The following PTPN12 variants were observed in gnomAD, a reference collection of about 807,000 sequenced individuals.
The protein encoded by PTPN12 is tyrosine-protein phosphatase non-receptor type 12.
Under a neutral mutation model 97.6 loss-of-function variants are expected in PTPN12, and 29 were observed. The observed-to-expected ratio is 0.30, with a 90% CI of 0.22 to 0.41. The LOEUF (loss-of-function observed/expected upper bound fraction) is 0.41, where lower values mean the gene tolerates loss of function less well. Ranked by LOEUF, PTPN12 falls within the 10% of genes least tolerant of loss-of-function variation. PTPN12 has a pLI of 1.00. For synonymous variants in PTPN12, 327 were observed against 300.4 expected (o/e 1.09, Z -0.91); for missense variants, 819 against 926.0 (o/e 0.88, Z 1.50).
chr7:77,637,712 C>G (rs1463146833), intron 16 of PTPN12, among the ~76,000 whole-genome samples: 1 of 151,432 alleles, frequency 6.6e-6, no homozygotes, highest in East Asian at 2.0e-4. Context: ...AAAAAAATAG[C>G]TAGGCGTCAT....
In PTPN12 at chr7:77,638,718, A is replaced by G. The variant is rs754928678; in HGVS notation, c.2268A>G (p.Glu756=). ...AACAAATATCAGAAAATCCAACAGA[A>G]GCCACAGATATTGGTAATTTGTTTA... ...KREQISENPT[E]ATDIGFGNRC... is the part of the protein sequence containing the mutation. Residue 756 remains glutamate, a synonymous_variant, in exon 17 of 18, where the codon GAA becomes GAG. Transcript: ENST00000248594. 3 of 1,602,826 alleles carry G rather than the reference A, an allele frequency of 1.9e-6. No individual in the cohort carries two copies. Among genetic ancestry groups the G allele is most frequent in the African/African-American group, 1.3e-5 (1 of 74,436 alleles).
intron 1 of PTPN12, among the ~76,000 whole-genome samples, chr7:77,567,222 C>A (rs912483722): frequency 1.3e-5 from 2 of 149,750 alleles, no homozygotes; most frequent in East Asian, 1.9e-4. Flanking sequence ...CTGCTCTAGG[C>A]CAAATCAGAT....
At chr7:77,622,382 G>GA (rs930431209) in intron 12 of PTPN12, among the ~76,000 whole-genome samples, 1 of 152,062 alleles carries the variant, frequency 6.6e-6, no homozygotes, top group Non-Finnish European at 1.5e-5. Context: ...AAAGATGGGG[G>GA]AAAAAAGAAA....
intron 1 of PTPN12, among the ~76,000 whole-genome samples, chr7:77,569,815 A>G (rs1584122904): frequency 6.6e-6 from 1 of 152,296 alleles, no homozygotes; most frequent in South Asian, 2.1e-4. Context: ...TTGAATATAA[A>G]TCATTTCATG....
chr7:77,638,102 C>T (rs1434151144), intron 16 of PTPN12, among the ~76,000 whole-genome samples: 5 of 150,982 alleles, frequency 3.3e-5, no homozygotes, highest in East Asian at 4.0e-4. Context: ...GGACTACAGG[C>T]GCCCGCCACC....
At chr7:77,568,884 A>G (rs1308452120) in intron 1 of PTPN12, among the ~76,000 whole-genome samples, 1 of 152,234 alleles carries the variant, frequency 6.6e-6, no homozygotes, top group Non-Finnish European at 1.5e-5. Flanking sequence ...ATAAGTATCT[A>G]AAAATACATC....
chr7:77,559,487 GATATA>G (rs1391002991), intron 1 of PTPN12, among the ~76,000 whole-genome samples: 1 of 152,124 alleles, frequency 6.6e-6, no homozygotes, highest in Non-Finnish European at 1.5e-5. Context: ...CATTGTAGGT[GATATA>G]ATAAAGAAGT....
At chr7:77,547,284 C>G (rs777364278) in intron 1 of PTPN12, among the ~76,000 whole-genome samples, 6 of 152,132 alleles carry the variant, frequency 3.9e-5, no homozygotes, top group Non-Finnish European at 5.9e-5. Context: ...GTACTCTGTT[C>G]AGGAAGTTTA....
At chr7:77,549,578 G>C (rs890417738) in intron 1 of PTPN12, among the ~76,000 whole-genome samples, 17 of 148,438 alleles carry the variant, frequency 1.1e-4, no homozygotes, top group African/African-American at 3.9e-4. Flanking sequence ...GTTTTTGTTT[G>C]TTTGTTTTTT....
At chr7:77,541,173 G>A (rs1460715639) in intron 1 of PTPN12, among the ~76,000 whole-genome samples, 3 of 152,154 alleles carry the variant, frequency 2.0e-5, no homozygotes, top group African/African-American at 4.8e-5. Context: ...TCACGGCAGC[G>A]TCGGTCTCCC....
chr7:77,549,837 C>T (rs1015704526), intron 1 of PTPN12, among the ~76,000 whole-genome samples: 1 of 152,074 alleles, frequency 6.6e-6, no homozygotes, highest in Non-Finnish European at 1.5e-5. Flanking sequence ...CATCTTGGCT[C>T]CCCAAGTGCT....
chr7:77,551,414 A>G (rs1807474058), intron 1 of PTPN12, among the ~76,000 whole-genome samples: 1 of 152,224 alleles, frequency 6.6e-6, no homozygotes, highest in South Asian at 2.1e-4. Flanking sequence ...TTTGGCACCA[A>G]CTGAGTGGCA....
intron 5 of PTPN12, among the ~76,000 whole-genome samples, chr7:77,591,514 G>C (rs1427464422): frequency 6.6e-6 from 1 of 152,162 alleles, no homozygotes; most frequent in Non-Finnish European, 1.5e-5. Flanking sequence ...GGTAAGAGGA[G>C]AAATTATTTG....
intron 14 of PTPN12, among the ~76,000 whole-genome samples, chr7:77,635,188 A>T (rs936048653): frequency 2.5e-4 from 38 of 152,290 alleles, no homozygotes; most frequent in African/African-American, 8.9e-4. Flanking sequence ...ACTTTGGGAG[A>T]CCAAGGCAGG....
At chr7:77,619,821 C>G (rs1305405322) in intron 12 of PTPN12, among the ~76,000 whole-genome samples, 1 of 152,130 alleles carries the variant, frequency 6.6e-6, no homozygotes, top group Non-Finnish European at 1.5e-5. Context: ...GCATACTTCT[C>G]TTAGGAACCT....
chr7:77,553,732 T>TCTC lies in PTPN12; in HGVS notation c.99+16089_99+16090insCCT, dbSNP rs555132707. Among the ~76,000 whole-genome samples the TCTC allele has an allele frequency of 1.7e-4, 26 of 152,344 alleles. No individual in the cohort carries two copies. In the East Asian group the frequency reaches 4.2e-3, roughly 25 times the overall value. ...AGTTAGGTCTTGGTTTTTAATCCAC[T>TCTC]CTGACAATCTTTTAATTGGTACATT... On this transcript the variant is annotated intron_variant, in intron 1 of 17. Transcript: ENST00000248594.
In PTPN12 at chr7:77,582,084, C is replaced by CTTTTTTTTTTTTTTTTTTTTTT. The variant is rs11341609; in HGVS notation, c.285+588_285+609dup. On this transcript the variant is annotated intron_variant, in intron 3 of 17. Coordinates refer to ENST00000248594, the MANE Select transcript of PTPN12 (RefSeq NM_002835.4). ...CCCTTTGATGAAAAGCAGTCAAGTT[C>CTTTTTTTTTTTTTTTTTTTTTT]TTTTTTTTTTTTTTTTTTTTTTTTT... Among the ~76,000 whole-genome samples, 17 of 52,868 alleles carry CTTTTTTTTTTTTTTTTTTTTTT rather than the reference C, an allele frequency of 3.2e-4. 3 individuals carry two copies. The highest frequency in any genetic ancestry group is 4.6e-4 in the Non-Finnish European group (14 of 30,310). 34.7% of individuals were successfully genotyped at this position (52,868 alleles called of 152,430 possible).
At chr7:77,632,531 A>G in intron 14 of PTPN12, 106 bp downstream of exon 14, 2 of 805,050 alleles carry the variant, frequency 2.5e-6, no homozygotes, top group Non-Finnish European at 4.0e-6. Context: ...AATTAAATTC[A>G]AAAACAAGTA....
At chr7:77,546,300 C>T (rs1031955685) in intron 1 of PTPN12, among the ~76,000 whole-genome samples, 1 of 152,188 alleles carries the variant, frequency 6.6e-6, no homozygotes, top group Non-Finnish European at 1.5e-5. Flanking sequence ...TCTTAAAGCA[C>T]TTTTTCTCCT....
Sources: allele counts gnomAD v4.1 joint callset (sites outside exome capture counted in the v4.1 genomes callset), GRCh38; gene constraint gnomAD v4.1.1; transcripts MANE v1.5; gene names NCBI Gene and HGNC (gene_info 2026-07-23, HGNC 2026-07-21).